SYT16: variants seen among roughly 807,000 people sequenced by gnomAD.
SYT16 encodes synaptotagmin-16.
In SYT16, 42 loss-of-function variants were observed where a neutral mutation model predicts 61.4. The observed-to-expected ratio is 0.68, with a 90% CI of 0.53 to 0.89. SYT16 has a LOEUF of 0.89. Among genes scored for constraint, SYT16 ranks in the 40% least tolerant of loss-of-function variants. The pLI is 0.00. For missense variants in SYT16, 804 were observed against 807.3 expected, an observed-to-expected ratio of 1.00 and a Z score of 0.05; for synonymous variants, 314 against 302.3, an observed-to-expected ratio of 1.04 and a Z score of -0.40.
At chr14:62,011,924 C>CATATATATATATATATATATATATAT (rs71449575) in intron 3 of SYT16, among the ~76,000 whole-genome samples, 44 of 86,998 alleles carry the variant, frequency 5.1e-4, no homozygotes, top group African/African-American at 1.9e-3. Context: ...CACACACACA[C>CATATATATATATATATATATATATAT]ACATATATAT....
intron 2 of SYT16, among the ~76,000 whole-genome samples, chr14:61,994,746 A>G (rs1041443649): frequency 3.3e-5 from 5 of 152,200 alleles, no homozygotes; most frequent in Non-Finnish European, 7.3e-5. Flanking sequence ...GTATGGAGGC[A>G]AAGCCCTCAG....
rs542868966 is a variant in SYT16 at position 61,951,816 on chromosome 14, G to T, written c.-324-18316G>T. Among the ~76,000 whole-genome samples the T allele has an allele frequency of 1.6e-4, 25 of 151,972 alleles. No individual in the cohort carries two copies. The East Asian group carries it at 4.1e-3, about 25-fold the overall frequency. ...CAGTATATATATATTTTAAGATAGGGTCTCACTCTGTTGCCCAGGATGGAG... is the reference window on the plus strand; with the variant it reads ...CAGTATATATATATTTTAAGATAGGTTCTCACTCTGTTGCCCAGGATGGAG... On this transcript the variant is annotated intron_variant, in intron 1 of 7. Transcript: ENST00000683842.
intron 1 of SYT16, among the ~76,000 whole-genome samples, chr14:61,835,196 G>A (rs1298346548): frequency 6.6e-6 from 1 of 151,300 alleles, no homozygotes; most frequent in Admixed American, 6.6e-5. Context: ...ATGTGTATAA[G>A]GACCTGCCTT....
At chr14:61,833,724 T>TAAA (rs1034938168) in intron 1 of SYT16, among the ~76,000 whole-genome samples, 5 of 148,942 alleles carry the variant, frequency 3.4e-5, no homozygotes, top group Admixed American at 3.3e-4. Context: ...TTTTTTTTTT[T>TAAA]TTTAAATTTA....
intron 1 of SYT16, among the ~76,000 whole-genome samples, chr14:61,891,273 A>ACACAG (rs1175657423): frequency 9.9e-6 from 1 of 101,106 alleles, no homozygotes; most frequent in African/African-American, 4.3e-5. Flanking sequence ...CACACACACA[A>ACACAG]TTTATCCATC....
chr14:62,033,543 A>G (rs972027370), intron 3 of SYT16, among the ~76,000 whole-genome samples: 4 of 152,178 alleles, frequency 2.6e-5, no homozygotes, highest in Admixed American at 2.6e-4. Flanking sequence ...TTCATGAGCC[A>G]ATGTGAAGAA....
chr14:62,101,463 A>G lies in SYT16; in HGVS notation c.*756A>G, dbSNP rs965083793. 2 of 152,138 alleles carry G rather than the reference A, an allele frequency of 1.3e-5. No homozygotes were observed. Among genetic ancestry groups the G allele is most frequent in the African/African-American group, 2.4e-5 (1 of 41,440 alleles). 9.4% of individuals were successfully genotyped at this position (152,138 alleles called of 1,614,324 possible). ...GTTTTTATGCTGTCTTTCTCACCCA[A>G]TAAGTTCTTACAGAATAAGAAAACA... is the stretch of plus-strand genomic sequence containing the variant. On this transcript the variant is annotated 3_prime_UTR_variant, in exon 8 of 8. Coordinates refer to ENST00000683842, the MANE Select transcript of SYT16 (RefSeq NM_001367656.1).
At chr14:62,032,116 G>C (rs959855731) in intron 3 of SYT16, among the ~76,000 whole-genome samples, 2 of 152,090 alleles carry the variant, frequency 1.3e-5, no homozygotes, top group Admixed American at 1.3e-4. Flanking sequence ...TGAATTAAAT[G>C]ACCCAGTAAG....
chr14:61,932,078 T>C (rs915931663), intron 1 of SYT16, among the ~76,000 whole-genome samples: 31 of 152,230 alleles, frequency 2.0e-4, no homozygotes, highest in African/African-American at 5.8e-4. Context: ...ACTTTGGAAC[T>C]GGACACTGCT....
At chr14:62,094,178 A>T (rs1331658746) in intron 7 of SYT16, among the ~76,000 whole-genome samples, 1 of 152,122 alleles carries the variant, frequency 6.6e-6, no homozygotes, top group Non-Finnish European at 1.5e-5. Context: ...CCACACTGTT[A>T]ATTTGATATT....
chr14:61,901,172 C>T (rs1219363287), intron 1 of SYT16, among the ~76,000 whole-genome samples: 2 of 152,170 alleles, frequency 1.3e-5, no homozygotes, highest in Non-Finnish European at 2.9e-5. Flanking sequence ...TGCTCTAATA[C>T]CAGTTTGTCT....
chr14:61,868,729 G>A lies in SYT16; in HGVS notation c.-325+55919G>A, dbSNP rs147070135. On this transcript the variant is annotated intron_variant, in intron 1 of 7. Transcript: ENST00000683842. ...TTTTGTTGCCCAGATTATGGTCTGGGTAAATGTCCCATGTTCACTTTATAA... is the reference window on the plus strand; with the variant it reads ...TTTTGTTGCCCAGATTATGGTCTGGATAAATGTCCCATGTTCACTTTATAA... 6.6e-3 allele frequency among the ~76,000 whole-genome samples: 1,005 copies of A among 152,038 alleles called. 10 individuals are homozygous for A. Among genetic ancestry groups the A allele is most frequent in the African/African-American group, 0.023 (954 of 41,514 alleles).
chr14:62,048,436 T>G (rs950850627), intron 3 of SYT16, among the ~76,000 whole-genome samples: 1 of 152,178 alleles, frequency 6.6e-6, no homozygotes, highest in African/African-American at 2.4e-5. Flanking sequence ...AGCTCCTGGA[T>G]TCATTGATTT....
chr14:61,933,159 G>A (rs1423814480), intron 1 of SYT16, among the ~76,000 whole-genome samples: 2 of 152,150 alleles, frequency 1.3e-5, no homozygotes, highest in Non-Finnish European at 2.9e-5. Flanking sequence ...GTTCCGTGGA[G>A]CCCCTTGAAA....
At chr14:61,812,366 G>A (rs2045296742), upstream of SYT16, 1 of 152,456 alleles carries the variant, frequency 6.6e-6, no homozygotes, top group African/African-American at 2.4e-5. Context: ...AATGGAAAAG[G>A]TGACTCGAAA....
In SYT16 at chr14:62,056,891, C is replaced by T. The variant is rs182100991; in HGVS notation, c.524-12712C>T. ...GAGGACAACACGCTCTGGACGAGCGCGGCGCCCAAGGGTCAGCGGCAGCAG... is the reference window on the plus strand; with the variant it reads ...GAGGACAACACGCTCTGGACGAGCGTGGCGCCCAAGGGTCAGCGGCAGCAG... On this transcript the variant is annotated intron_variant, in intron 3 of 7. Coordinates refer to ENST00000683842, the MANE Select transcript of SYT16 (RefSeq NM_001367656.1). 2.3e-4 allele frequency among the ~76,000 whole-genome samples: 35 copies of T among 152,304 alleles called. No individual in the cohort carries two copies. In the East Asian group the frequency reaches 6.6e-3, roughly 29 times the overall value.
At chr14:62,025,904 C>A (rs2054085626) in intron 3 of SYT16, among the ~76,000 whole-genome samples, 1 of 150,828 alleles carries the variant, frequency 6.6e-6, no homozygotes, top group Non-Finnish European at 1.5e-5. Flanking sequence ...TAAAATATTT[C>A]TCTAATTACA....
intron 6 of SYT16, among the ~76,000 whole-genome samples, chr14:62,083,718 G>A (rs1158687531): frequency 2.6e-5 from 4 of 152,112 alleles, no homozygotes; most frequent in African/African-American, 4.8e-5. Context: ...GGGGGTAGAC[G>A]TCCAGTGGTC....
intron 3 of SYT16, among the ~76,000 whole-genome samples, chr14:62,058,525 A>G (rs1346733275): frequency 4.6e-5 from 7 of 151,528 alleles, no homozygotes. Flanking sequence ...CACCATGCCC[A>G]GCTAATTTTT....
Sources: allele counts gnomAD v4.1 joint callset (sites outside exome capture counted in the v4.1 genomes callset), GRCh38; gene constraint gnomAD v4.1.1; transcripts MANE v1.5; gene names NCBI Gene and HGNC (gene_info 2026-07-23, HGNC 2026-07-21).